The following CDK14 variants were observed in gnomAD, a reference collection of about 807,000 sequenced individuals.
CDK14 encodes cyclin-dependent kinase 14.
Under a neutral mutation model 60.7 loss-of-function variants are expected in CDK14, and 34 were observed. The ratio of observed to expected loss-of-function variants is 0.56; its 90% confidence interval spans 0.43 to 0.75. The LOEUF is 0.75. Among genes scored for constraint, CDK14 ranks in the 30% least tolerant of loss-of-function variants. CDK14 has a pLI of 0.00. For synonymous variants in CDK14, 197 were observed against 203.7 expected, an observed-to-expected ratio of 0.97 and a Z score of 0.28; for missense variants, 482 against 564.1, an observed-to-expected ratio of 0.85 and a Z score of 1.47.
At chr7:91,112,219 A>G (rs1562909205) in intron 12 of CDK14, among the ~76,000 whole-genome samples, 1 of 152,188 alleles carries the variant, frequency 6.6e-6, no homozygotes, top group African/African-American at 2.4e-5. Flanking sequence ...GATTCTATTA[A>G]CAAATTCTAA....
At chr7:91,020,944 A>G (rs749382479) in intron 10 of CDK14, among the ~76,000 whole-genome samples, 5 of 152,140 alleles carry the variant, frequency 3.3e-5, no homozygotes, top group Non-Finnish European at 5.9e-5. Flanking sequence ...TCTTATGACC[A>G]TAGAACTGAT....
intron 9 of CDK14, among the ~76,000 whole-genome samples, chr7:90,957,231 A>G (rs1398146271): frequency 5.3e-5 from 8 of 151,984 alleles, no homozygotes; most frequent in African/African-American, 1.2e-4. Context: ...AGTCCCACCA[A>G]CAGTGTAAAA....
intron 2 of CDK14, among the ~76,000 whole-genome samples, chr7:90,605,995 C>CA (rs1799410580): frequency 6.6e-6 from 1 of 152,190 alleles, no homozygotes; most frequent in Non-Finnish European, 1.5e-5. Context: ...TCTGTATAGT[C>CA]AAAGGTCTGG....
At chr7:90,725,859 GGAA>G (rs1802615621) in intron 2 of CDK14, among the ~76,000 whole-genome samples, 1 of 151,974 alleles carries the variant, frequency 6.6e-6, no homozygotes, top group African/African-American at 2.4e-5. Context: ...GGGTGAAGAA[GGAA>G]GAAGAAGGGA....
intron 9 of CDK14, among the ~76,000 whole-genome samples, chr7:90,979,191 T>G (rs1222636083): frequency 6.6e-6 from 1 of 152,194 alleles, no homozygotes; most frequent in Non-Finnish European, 1.5e-5. Flanking sequence ...TGTTCGTATG[T>G]CACCAAATAT....
At chr7:90,834,089 T>C (rs1468247218) in intron 5 of CDK14, among the ~76,000 whole-genome samples, 2 of 152,170 alleles carry the variant, frequency 1.3e-5, no homozygotes, top group Non-Finnish European at 2.9e-5. Context: ...CATCATATGG[T>C]CTTAGGCTCA....
chr7:90,988,323 G>T (rs1406015706), intron 10 of CDK14, among the ~76,000 whole-genome samples: 1 of 152,146 alleles, frequency 6.6e-6, no homozygotes, highest in East Asian at 1.9e-4. Context: ...TGTGATACAT[G>T]CAAGAAAGGA....
In CDK14 at chr7:91,176,067, C is replaced by A. The variant is rs1299819947; in HGVS notation, c.*29-31098C>A. On this transcript the variant is annotated intron_variant, in intron 14 of 14. Coordinates refer to ENST00000380050, the MANE Select transcript of CDK14 (RefSeq NM_001287135.2). ...TGACCACATACTTGGAAGTAAAGCT[C>A]TCCTCAGCAAATGTAAAAGAACAGA... 5.3e-5 allele frequency among the ~76,000 whole-genome samples: 8 copies of A among 151,940 alleles called. No individual in the cohort carries two copies. In the East Asian group the frequency reaches 5.8e-4, roughly 11 times the overall value.
intron 6 of CDK14, among the ~76,000 whole-genome samples, chr7:90,897,888 C>T (rs1373273908): frequency 1.3e-5 from 2 of 151,978 alleles, no homozygotes; most frequent in Non-Finnish European, 2.9e-5. Context: ...AGAATAATTT[C>T]CAAATTAATC....
chr7:91,209,633 C>T lies in CDK14; in HGVS notation c.*2497C>T, dbSNP rs1803008245. The T allele has an allele frequency of 1.3e-5, 2 of 152,616 alleles. No homozygotes were observed. The highest frequency in any genetic ancestry group is 2.9e-5 in the Non-Finnish European group (2 of 68,036). 9.5% of individuals were successfully genotyped at this position (152,616 alleles called of 1,614,324 possible). A position where few individuals can be genotyped will look rare whatever the true frequency, so the allele number is the denominator to read the frequency against. On this transcript the variant is annotated 3_prime_UTR_variant, in exon 15 of 15. Transcript: ENST00000380050. ...TTTTTATATGAAGGAATAGCCTGAA[C>T]TCAAACAGATGGTAAGAATAGTACA...
intron 11 of CDK14, among the ~76,000 whole-genome samples, chr7:91,061,115 C>G (rs1451174746): frequency 6.6e-6 from 1 of 152,168 alleles, no homozygotes; most frequent in African/African-American, 2.4e-5. Context: ...ATTCTTTTTT[C>G]TCTAAACTTC....
At chr7:90,759,259 A>G (rs925939324) in intron 4 of CDK14, among the ~76,000 whole-genome samples, 2 of 152,040 alleles carry the variant, frequency 1.3e-5, no homozygotes, top group African/African-American at 4.8e-5. Flanking sequence ...AATCCTTGGC[A>G]CTGTTCCCTT....
intron 14 of CDK14, among the ~76,000 whole-genome samples, chr7:91,186,795 A>C (rs191964178): frequency 6.6e-6 from 1 of 152,310 alleles, no homozygotes; most frequent in Non-Finnish European, 1.5e-5. Flanking sequence ...AAAAGCCTGA[A>C]CTTAACATCA....
intron 4 of CDK14, among the ~76,000 whole-genome samples, chr7:90,758,854 G>A (rs1167518632): frequency 6.6e-6 from 1 of 152,134 alleles, no homozygotes; most frequent in East Asian, 1.9e-4. Context: ...CCAGGAGTTC[G>A]AGACCAGCCT....
chr7:90,790,760 A>C (rs566661869), intron 5 of CDK14, 108 bp downstream of exon 5: 2 of 626,066 alleles, frequency 3.2e-6, no homozygotes, highest in Non-Finnish European at 5.5e-6. Flanking sequence ...ACAGGATTGT[A>C]TCTTTCATTA....
rs1214809905 is a variant in CDK14 at position 90,854,476 on chromosome 7, G to A, written c.545-8699G>A. ...GCCTGGGAGGTTGAGGCTGCAATGA[G>A]CTGTGATTACACCTTGCACTCCAGC... On this transcript the variant is annotated intron_variant, in intron 5 of 14. Coordinates refer to ENST00000380050, the MANE Select transcript of CDK14 (RefSeq NM_001287135.2). Among the ~76,000 whole-genome samples, 3 of 152,268 alleles carry A rather than the reference G, an allele frequency of 2.0e-5. No homozygotes were observed. The East Asian group carries it at 5.8e-4, about 29-fold the overall frequency.
At chr7:90,649,284 CTTTCTTTCTTTCTTTCTTTCT>C (rs1800542417) in intron 2 of CDK14, among the ~76,000 whole-genome samples, 3 of 60,180 alleles carry the variant, frequency 5.0e-5, no homozygotes, top group African/African-American at 2.5e-4. Context: ...TTCTTTCTTT[CTTTCTTTCTTTCTTTCTTTCT>C]TTCTTTCCTT....
At chr7:91,178,234 G>A (rs1462172855) in intron 14 of CDK14, among the ~76,000 whole-genome samples, 2 of 90,956 alleles carry the variant, frequency 2.2e-5, no homozygotes, top group African/African-American at 8.2e-5. Context: ...TCAATAAATG[G>A]TGCTGGGAAA....
intron 11 of CDK14, among the ~76,000 whole-genome samples, chr7:91,060,759 C>G (rs992618532): frequency 2.0e-5 from 3 of 152,124 alleles, no homozygotes; most frequent in African/African-American, 7.2e-5. Context: ...GAGTTTCTGC[C>G]GAGAGATCAG....
Sources: allele counts gnomAD v4.1 joint callset (sites outside exome capture counted in the v4.1 genomes callset), GRCh38; gene constraint gnomAD v4.1.1; transcripts MANE v1.5; gene names NCBI Gene and HGNC (gene_info 2026-07-23, HGNC 2026-07-21).